Variants in GPHN observed in about 807,000 individuals in gnomAD.
GPHN encodes the protein gephyrin.
Under a neutral mutation model 95.5 loss-of-function variants are expected in GPHN, and 17 were observed. That is an observed-to-expected ratio of 0.18 (90% CI 0.12 to 0.27). The LOEUF (loss-of-function observed/expected upper bound fraction) is 0.27. GPHN is among the 10% of genes least tolerant of loss of function. The pLI is 1.00. For synonymous variants in GPHN, 320 were observed against 322.5 expected, an observed-to-expected ratio of 0.99 and a Z score of 0.08; for missense variants, 660 against 978.1, an observed-to-expected ratio of 0.67 and a Z score of 4.34.
intron 1 of GPHN, among the ~76,000 whole-genome samples, chr14:66,513,326 A>C (rs2058113849): frequency 6.6e-6 from 1 of 151,806 alleles, no homozygotes; most frequent in African/African-American, 2.4e-5. Context: ...AGAGTTTTAA[A>C]TACATTAAAA....
chr14:67,571,923 G>T, the GPHN span: 1 of 1,593,050 alleles, frequency 6.3e-7, no homozygotes, highest in Non-Finnish European at 8.6e-7. Flanking sequence ...GGGGAGCAGG[G>T]GCAGGGTGCA....
intron 2 of GPHN, among the ~76,000 whole-genome samples, chr14:66,707,171 T>C (rs887487548): frequency 6.6e-6 from 1 of 152,138 alleles, no homozygotes; most frequent in African/African-American, 2.4e-5. Context: ...CAATAGATGC[T>C]GGTGAGGCTG....
intron 8 of GPHN, among the ~76,000 whole-genome samples, chr14:66,937,440 GCACAAT>G (rs1386987519): frequency 6.6e-6 from 1 of 151,830 alleles, no homozygotes; most frequent in African/African-American, 2.4e-5. Flanking sequence ...GAGCGCAGTG[GCACAAT>G]CTCAGCTCAC....
the GPHN span, among the ~76,000 whole-genome samples, chr14:67,190,982 C>T: frequency 1.3e-5 from 2 of 152,274 alleles, no homozygotes; most frequent in South Asian, 4.2e-4. Context: ...GCCTGTAATC[C>T]CAGCACTTTG....
At chr14:66,839,052 G>A (rs2061972687) in intron 4 of GPHN, among the ~76,000 whole-genome samples, 1 of 152,100 alleles carries the variant, frequency 6.6e-6, no homozygotes, top group African/African-American at 2.4e-5. Context: ...AAAATATGAA[G>A]GACAAATGTC....
chr14:67,310,717 T>C, the GPHN span, among the ~76,000 whole-genome samples: 1 of 152,224 alleles, frequency 6.6e-6, no homozygotes, highest in African/African-American at 2.4e-5. Context: ...AGTTTCAGTT[T>C]GTATATTAGG....
intron 9 of GPHN, among the ~76,000 whole-genome samples, chr14:66,979,828 GT>G (rs1427083209): frequency 5.3e-5 from 8 of 152,152 alleles, no homozygotes; most frequent in Non-Finnish European, 1.0e-4. Flanking sequence ...ATTTAAAGTG[GT>G]AGACATGCAA....
At chr14:66,978,937 C>T (rs2070455514) in intron 9 of GPHN, among the ~76,000 whole-genome samples, 1 of 152,164 alleles carries the variant, frequency 6.6e-6, no homozygotes, top group Admixed American at 6.5e-5. Flanking sequence ...AAAACATTAT[C>T]TCCTTGTATA....
the GPHN span, among the ~76,000 whole-genome samples, chr14:67,401,796 A>G: frequency 6.6e-6 from 1 of 152,122 alleles, no homozygotes; most frequent in Non-Finnish European, 1.5e-5. Flanking sequence ...GTGATATAAG[A>G]GGAGAAAAAT....
chr14:67,469,864 GC>G, the GPHN span, among the ~76,000 whole-genome samples: 1 of 152,162 alleles, frequency 6.6e-6, no homozygotes, highest in African/African-American at 2.4e-5. Context: ...GGTACCCTCA[GC>G]CACCCTGCTT....
At chr14:66,825,886 A>G (rs1333348796) in intron 4 of GPHN, among the ~76,000 whole-genome samples, 4 of 152,186 alleles carry the variant, frequency 2.6e-5, no homozygotes, top group Admixed American at 6.5e-5. Flanking sequence ...CTTTTATGCT[A>G]TGACTGACTG....
intron 9 of GPHN, among the ~76,000 whole-genome samples, chr14:66,973,081 A>C (rs1180397966): frequency 1.3e-5 from 2 of 152,240 alleles, no homozygotes; most frequent in African/African-American, 2.4e-5. Flanking sequence ...TCAAATGAGC[A>C]AACTGGCTTA....
chr14:67,577,394 G>T, the GPHN span: 1 of 1,585,490 alleles, frequency 6.3e-7, no homozygotes. Flanking sequence ...CTTGCAGACG[G>T]AGGCCCTCAA....
chr14:67,025,618 C>T (rs2073884420), intron 10 of GPHN, among the ~76,000 whole-genome samples: 1 of 152,084 alleles, frequency 6.6e-6, no homozygotes, highest in African/African-American at 2.4e-5. Flanking sequence ...GGAAATATCC[C>T]AAATAAATTG....
At chr14:67,485,676 A>G in the GPHN span, among the ~76,000 whole-genome samples, 1 of 152,198 alleles carries the variant, frequency 6.6e-6, no homozygotes, top group Non-Finnish European at 1.5e-5. Flanking sequence ...CAGGCCAGAC[A>G]GGCCTCTGGG....
chr14:67,418,534 C>T, the GPHN span, among the ~76,000 whole-genome samples: 5 of 152,214 alleles, frequency 3.3e-5, no homozygotes, highest in Admixed American at 6.5e-5. Context: ...AAGCTTTGAG[C>T]ACCATTGCTT....
At chr14:66,703,385 C>T (rs533648738) in intron 2 of GPHN, among the ~76,000 whole-genome samples, 1 of 152,140 alleles carries the variant, frequency 6.6e-6, no homozygotes, top group South Asian at 2.1e-4. Flanking sequence ...GTATTAAGGA[C>T]AGCCAGAGAG....
At chr14:67,194,969 T>C in the GPHN span, among the ~76,000 whole-genome samples, 1 of 152,146 alleles carries the variant, frequency 6.6e-6, no homozygotes, top group Non-Finnish European at 1.5e-5. Context: ...AGCCTCAAAG[T>C]GCTAAGATTA....
chr14:66,882,463 C>T (rs935637030), intron 5 of GPHN, among the ~76,000 whole-genome samples: 1 of 151,778 alleles, frequency 6.6e-6, no homozygotes, highest in Admixed American at 6.6e-5. Flanking sequence ...ATTTGGACAA[C>T]TTAATATCCT....
Sources: allele counts gnomAD v4.1 joint callset (sites outside exome capture counted in the v4.1 genomes callset), GRCh38; gene constraint gnomAD v4.1.1; transcripts MANE v1.5; gene names NCBI Gene and HGNC (gene_info 2026-07-23, HGNC 2026-07-21).